The following MEIS2 variants were observed in gnomAD, a reference collection of about 807,000 sequenced individuals.
MEIS2 encodes the protein Meis homeobox 2, also known as homeobox protein Meis2.
MEIS2 carries 9 observed loss-of-function variants against 58.6 expected under a neutral mutation model. The observed-to-expected ratio is 0.15, with a 90% CI of 0.09 to 0.27. MEIS2 has a LOEUF of 0.27. Among genes scored for constraint, MEIS2 ranks in the 10% least tolerant of loss-of-function variants. The pLI is 1.00. For missense variants in MEIS2, 427 were observed against 635.0 expected, an observed-to-expected ratio of 0.67 and a Z score of 3.52; for synonymous variants, 221 against 228.4, an observed-to-expected ratio of 0.97 and a Z score of 0.29.
intron 7 of MEIS2, among the ~76,000 whole-genome samples, chr15:37,044,146 T>C (rs2062562979): frequency 1.3e-5 from 2 of 152,172 alleles, no homozygotes; most frequent in Admixed American, 1.3e-4. Context: ...TCAAAGAAAT[T>C]AGATGACTTG....
At chr15:36,951,575 G>A (rs539035351) in intron 8 of MEIS2, among the ~76,000 whole-genome samples, 6 of 152,040 alleles carry the variant, frequency 3.9e-5, no homozygotes, top group African/African-American at 9.6e-5. Context: ...TCCAAAATGC[G>A]CACAATTACT....
intron 8 of MEIS2, among the ~76,000 whole-genome samples, chr15:37,031,429 G>GTGTGTA (rs1375718286): frequency 6.6e-6 from 1 of 151,642 alleles, no homozygotes; most frequent in African/African-American, 2.4e-5. Context: ...ATATGTGTGT[G>GTGTGTA]TGTGTGTGTG....
chr15:37,032,654 C>G (rs1460231901), intron 8 of MEIS2, among the ~76,000 whole-genome samples: 3 of 152,074 alleles, frequency 2.0e-5, no homozygotes, highest in Non-Finnish European at 4.4e-5. Flanking sequence ...TTAGGCAGTG[C>G]CATCAACCAA....
At chr15:36,993,846 T>C (rs989523059) in intron 8 of MEIS2, among the ~76,000 whole-genome samples, 4 of 152,070 alleles carry the variant, frequency 2.6e-5, no homozygotes, top group Non-Finnish European at 5.9e-5. Context: ...ATGGTACTAA[T>C]AGAGAGAGAT....
chr15:36,959,149 C>T (rs566752648), intron 8 of MEIS2, among the ~76,000 whole-genome samples: 91 of 152,252 alleles, frequency 6.0e-4, no homozygotes, highest in African/African-American at 2.0e-3. Flanking sequence ...GCTGGCTTTC[C>T]TCTCTTTTAA....
At position 36,891,013 on chromosome 15, in the gene MEIS2, CA is replaced by C. The variant is rs1211885905; in HGVS notation, c.*1159del. On this transcript the variant is annotated 3_prime_UTR_variant, in exon 12 of 12. Transcript: ENST00000561208. Reference sequence around the variant, plus strand: ...TCTTGTCCTAAAACCATTAAAAACGCAAAAGCCTAACAAAAAATCAAAAATG... The same window carrying C: ...TCTTGTCCTAAAACCATTAAAAACGCAAAGCCTAACAAAAAATCAAAAATG... 1.3e-5 allele frequency: 2 copies of C among 152,354 alleles called. No homozygotes were observed. Among genetic ancestry groups the C allele is most frequent in the Non-Finnish European group, 2.9e-5 (2 of 67,986 alleles). The allele number at this position is 152,354 out of a possible 1,614,324, so 9.4% of individuals were successfully genotyped here.
intron 8 of MEIS2, among the ~76,000 whole-genome samples, chr15:36,992,073 C>T (rs935671346): frequency 6.6e-6 from 1 of 151,854 alleles, no homozygotes; most frequent in African/African-American, 2.4e-5. Context: ...AGGCGGTGAG[C>T]CACCGCGCCC....
At chr15:36,996,870 A>G (rs1377861607) in intron 8 of MEIS2, among the ~76,000 whole-genome samples, 1 of 152,096 alleles carries the variant, frequency 6.6e-6, no homozygotes, top group Admixed American at 6.5e-5. Context: ...AATGGGAGTA[A>G]CTCTCCATAT....
chr15:36,901,609 T>G (rs2056476681), intron 9 of MEIS2, among the ~76,000 whole-genome samples: 1 of 152,186 alleles, frequency 6.6e-6, no homozygotes, highest in Non-Finnish European at 1.5e-5. Context: ...AAGCAATAGT[T>G]TGATTTATAA....
chr15:36,956,887 T>TA (rs61478606), intron 8 of MEIS2, among the ~76,000 whole-genome samples: 19,832 of 111,842 alleles, frequency 0.18, 2,046 homozygotes, highest in African/African-American at 0.29. Context: ...AAATGATTGT[T>TA]AAAAAAAAAA....
At chr15:37,034,902 C>T (rs757497576) in intron 8 of MEIS2, among the ~76,000 whole-genome samples, 1 of 151,892 alleles carries the variant, frequency 6.6e-6, no homozygotes, top group Non-Finnish European at 1.5e-5. Flanking sequence ...CTCAGCTTGA[C>T]CTTCAGCTAG....
At chr15:37,029,168 C>A (rs1015067697) in intron 8 of MEIS2, among the ~76,000 whole-genome samples, 3 of 152,098 alleles carry the variant, frequency 2.0e-5, no homozygotes, top group Non-Finnish European at 4.4e-5. Context: ...AAGGCTAAGG[C>A]TAGGGGCGGC....
chr15:37,004,910 C>T (rs2060861232), intron 8 of MEIS2, among the ~76,000 whole-genome samples: 1 of 150,832 alleles, frequency 6.6e-6, no homozygotes. Flanking sequence ...CTGATTTGAT[C>T]CTAACACATT....
At chr15:36,983,505 T>C (rs1242024255) in intron 8 of MEIS2, among the ~76,000 whole-genome samples, 1 of 152,112 alleles carries the variant, frequency 6.6e-6, no homozygotes, top group Non-Finnish European at 1.5e-5. Context: ...TTAGTCTATA[T>C]GTCTGTTTTT....
intron 9 of MEIS2, among the ~76,000 whole-genome samples, chr15:36,915,874 A>T (rs911331377): frequency 2.0e-5 from 3 of 152,200 alleles, no homozygotes; most frequent in Admixed American, 2.0e-4. Context: ...GATGCTTAGG[A>T]GGACAGCAAA....
chr15:36,936,221 G>A (rs2058166805), intron 9 of MEIS2, among the ~76,000 whole-genome samples: 1 of 149,042 alleles, frequency 6.7e-6, no homozygotes, highest in East Asian at 2.0e-4. Context: ...TTGAGATAGA[G>A]AATTGCTCTG....
chr15:37,071,871 T>A (rs1488542093), intron 7 of MEIS2, among the ~76,000 whole-genome samples: 2 of 152,094 alleles, frequency 1.3e-5, no homozygotes, highest in Non-Finnish European at 2.9e-5. Context: ...CGTTTCCACT[T>A]TGACAACTTT....
At chr15:37,049,999 C>T (rs1033553470) in intron 7 of MEIS2, among the ~76,000 whole-genome samples, 1 of 152,126 alleles carries the variant, frequency 6.6e-6, no homozygotes, top group African/African-American at 2.4e-5. Flanking sequence ...AGATATTATG[C>T]TGCTTATATT....
At chr15:37,001,972 T>C (rs2060745663) in intron 8 of MEIS2, among the ~76,000 whole-genome samples, 3 of 151,996 alleles carry the variant, frequency 2.0e-5, no homozygotes, top group South Asian at 4.1e-4. Flanking sequence ...TTGTAATGAG[T>C]ATTCTATCTC....
Sources: gnomAD v4.1 joint callset for allele counts (sites outside exome capture counted in the v4.1 genomes callset) on GRCh38, gnomAD v4.1.1 for gene constraint, MANE v1.5 for transcripts, NCBI Gene and HGNC (gene_info 2026-07-23, HGNC 2026-07-21) for gene names.